Variants in REM2 observed in about 807,000 individuals in gnomAD.
REM2 encodes the protein RRAD and GEM like GTPase 2.
REM2 carries 24 observed loss-of-function variants against 24.4 expected under a neutral mutation model. The ratio of observed to expected loss-of-function variants is 0.98; its 90% CI spans 0.71 to 1.38. REM2 has a LOEUF of 1.38. Among genes scored for constraint, REM2 ranks in the 40% most tolerant of loss-of-function variants. The pLI is 0.00. For missense variants in REM2, 429 were observed against 467.8 expected (o/e 0.92, Z 0.77); for synonymous variants, 187 against 198.0 (o/e 0.94, Z 0.47).
Position 22,886,132 on chromosome 14 carries a change from C to T in REM2, c.628C>T (p.Leu210=). Residue 210 remains leucine (L), a synonymous_variant, in exon 4 of 5, where the codon CTA becomes TTA. Coordinates refer to ENST00000267396, the MANE Select transcript of REM2 (RefSeq NM_173527.3). This position sits in a 1 kb window ranked among gnomAD's most constrained non-coding sequence, Gnocchi z 5.9. The part of the protein sequence containing the change: ...RRSFSKVPET[L]LRLRAGRPHH... The stretch of plus-strand genomic sequence containing the variant: ...GAGTTTCTCCAAAGTTCCAGAGACC[C>T]TACTTCGGCTCCGGGCTGGGAGGCC... 1 of 1,613,996 alleles carries T rather than the reference C, an allele frequency of 6.2e-7. No individual in the cohort carries two copies. The highest frequency in any genetic ancestry group is 8.5e-7 in the Non-Finnish European group (1 of 1,179,886).
At position 22,884,892 on chromosome 14, in the gene REM2, C is replaced by T. The variant is rs1240135395; in HGVS notation, c.322C>T (p.Pro108Ser). ...SDSLGSGEAA[P>S]AQKDGIFKVM... ...CTCCTTGGGCTCAGGGGAGGCAGCC[C>T]CTGCTCAAAAGGATGGCATCTTCAA... The change falls in exon 2 of 5, where the codon CCT (proline) becomes TCT (serine). Residue 108 changes from proline (P) to serine (S), a missense_variant. Physicochemically the swap from Pro to Ser is moderately conservative, Grantham distance 74 (BLOSUM62 -1). Coordinates refer to ENST00000267396, the MANE Select transcript of REM2 (RefSeq NM_173527.3). 1.9e-6 allele frequency: 3 copies of T among 1,613,282 alleles called. No homozygotes were observed. The South Asian group carries it at 3.3e-5, about 18-fold the overall frequency.
rs1381166141 is a variant in REM2 at position 22,886,885 on chromosome 14, G to C, written c.999G>C (p.Ser333=). Reference sequence around the variant, plus strand: ...AGTTCTTCAAGCAGCGCTCCAGGTCGTGTCACGACCTCTCGGTGCTCTGAG... The same window carrying C: ...AGTTCTTCAAGCAGCGCTCCAGGTCCTGTCACGACCTCTCGGTGCTCTGAG... ...NAKFFKQRSR[S]CHDLSVL is the part of the protein sequence containing the mutation. Residue 333 remains serine (S), a synonymous_variant, in exon 5 of 5, where the codon TCG becomes TCC. Transcript: ENST00000267396. The surrounding 1 kb of genome is among the most constrained non-coding windows in gnomAD (Gnocchi z 5.9). 1.3e-6 allele frequency: 2 copies of C among 1,530,848 alleles called. No homozygotes were observed. The highest frequency in any genetic ancestry group is 1.4e-5 in the African/African-American group (1 of 71,532). 94.8% of individuals were successfully genotyped at this position (1,530,848 alleles called of 1,614,324 possible).
intron 1 of REM2, chr14:22,884,328 C>T: frequency 5.1e-6 from 5 of 985,450 alleles, no homozygotes; most frequent in Non-Finnish European, 6.0e-6. Context: ...CCCAACTCCA[C>T]CGTACAGGGC....
intron 1 of REM2, 41 bp downstream of exon 1, chr14:22,883,431 G>A (rs1002555834): frequency 1.9e-6 from 3 of 1,540,074 alleles, no homozygotes; most frequent in African/African-American, 2.7e-5. Context: ...AAACCATGGG[G>A]GTGGGAGCTG....
At position 22,886,598 on chromosome 14, in the gene REM2, C is replaced by G; in HGVS notation, c.728-16C>G. The G allele has an allele frequency of 1.4e-5, 20 of 1,446,664 alleles. No homozygotes were observed. Among genetic ancestry groups the G allele is most frequent in the Non-Finnish European group, 1.8e-5 (20 of 1,099,274 alleles). 89.6% of individuals were successfully genotyped at this position (1,446,664 alleles called of 1,614,324 possible). A position where few individuals can be genotyped will look rare whatever the true frequency, so the allele number is the denominator to read the frequency against. On this transcript the variant is annotated splice_polypyrimidine_tract_variant and intron_variant, in intron 4 of 4. Coordinates refer to ENST00000267396, the MANE Select transcript of REM2 (RefSeq NM_173527.3). The surrounding 1 kb of genome is among the most constrained non-coding windows in gnomAD (Gnocchi z 5.9). Reference sequence around the variant, plus strand: ...CGTACAGCCCAGCGGGCGCCTGAGCCGGTGCCTTCCTGCAGAGGGCCGCCA... The same window carrying G: ...CGTACAGCCCAGCGGGCGCCTGAGCGGGTGCCTTCCTGCAGAGGGCCGCCA...
At position 22,886,255 on chromosome 14, in the gene REM2, T is replaced by C; in HGVS notation, c.727+24T>C. ...GGGTGTGTATCCTGAACAGATTCCATACTTGCGATCTCAGGGGAATGCTCT... is the reference window on the plus strand; with the variant it reads ...GGGTGTGTATCCTGAACAGATTCCACACTTGCGATCTCAGGGGAATGCTCT... On this transcript the variant is annotated intron_variant, in intron 4 of 4. Transcript: ENST00000267396. The surrounding 1 kb of genome is among the most constrained non-coding windows in gnomAD (Gnocchi z 5.9). The C allele has an allele frequency of 1.3e-6, 2 of 1,585,788 alleles. No homozygotes were observed. The highest frequency in any genetic ancestry group is 1.7e-4 in the Middle Eastern group (1 of 6,024).
chr14:22,885,276 T>C lies in REM2; in HGVS notation c.456T>C (p.Tyr152=), dbSNP rs751037447. The change falls in exon 3 of 5, where the codon TAT becomes TAC. Residue 152 remains tyrosine, a synonymous_variant. Coordinates refer to ENST00000267396, the MANE Select transcript of REM2 (RefSeq NM_173527.3). Reference sequence around the variant, plus strand: ...CCTATTTCCCAGCAGAGGATACCTATGAGAGACGCATCATGGTGGATAAGG... The same window carrying C: ...CCTATTTCCCAGCAGAGGATACCTACGAGAGACGCATCATGGTGGATAAGG... The part of the protein sequence containing the change: ...AHEPENPEDT[Y]ERRIMVDKEE... 3.2e-5 allele frequency: 52 copies of C among 1,611,758 alleles called. No homozygotes were observed. Among genetic ancestry groups the C allele is most frequent in the Non-Finnish European group, 4.2e-5 (49 of 1,178,010 alleles).
chr14:22,885,288 C>G lies in REM2; in HGVS notation c.468C>G (p.Ile156Met). The G allele has an allele frequency of 6.2e-7, 1 of 1,613,602 alleles. No homozygotes were observed. Among genetic ancestry groups the G allele is most frequent in the Non-Finnish European group, 8.5e-7 (1 of 1,179,578 alleles). ...CAGAGGATACCTATGAGAGACGCAT[C>G]ATGGTGGATAAGGAGGAAGTGACTC... ...ENPEDTYERRIMVDKEEVTLV... is the reference protein window; with the variant it reads ...ENPEDTYERRMMVDKEEVTLV... The change falls in exon 3 of 5, where the codon ATC becomes ATG. Residue 156 changes from isoleucine to methionine, a missense_variant. Transcript: ENST00000267396.
chr14:22,886,322 C>G lies in REM2; in HGVS notation c.727+91C>G. On this transcript the variant is annotated intron_variant, in intron 4 of 4. Coordinates refer to ENST00000267396, the MANE Select transcript of REM2 (RefSeq NM_173527.3). The surrounding 1 kb of genome is among the most constrained non-coding windows in gnomAD (Gnocchi z 5.9). ...CTTCTCCCTAAGGCCTTTTTACCAT[C>G]GCGGACGCACTCACTTGCAATCAGA... is the stretch of plus-strand genomic sequence containing the variant. 1 of 1,186,094 alleles carries G rather than the reference C, an allele frequency of 8.4e-7. No individual in the cohort carries two copies. The highest frequency in any genetic ancestry group is 1.2e-6 in the Non-Finnish European group (1 of 818,920). 73.5% of individuals were successfully genotyped at this position (1,186,094 alleles called of 1,614,324 possible). A position where few individuals can be genotyped will look rare whatever the true frequency, so the allele number is the denominator to read the frequency against.
Position 22,886,133 on chromosome 14 carries a change from T to C in REM2, c.629T>C (p.Leu210Pro). The change falls in exon 4 of 5, where the codon CTA becomes CCA. Residue 210 changes from leucine to proline, a missense_variant. Physicochemically the swap from Leu to Pro is moderately conservative, Grantham distance 98. Coordinates refer to ENST00000267396, the MANE Select transcript of REM2 (RefSeq NM_173527.3). The surrounding 1 kb of genome is among the most constrained non-coding windows in gnomAD (Gnocchi z 5.9). Reference sequence around the variant, plus strand: ...AGTTTCTCCAAAGTTCCAGAGACCCTACTTCGGCTCCGGGCTGGGAGGCCG... The same window carrying C: ...AGTTTCTCCAAAGTTCCAGAGACCCCACTTCGGCTCCGGGCTGGGAGGCCG... ...RRSFSKVPET[L>P]LRLRAGRPHH... 1 of 1,614,018 alleles carries C rather than the reference T, an allele frequency of 6.2e-7. No individual in the cohort carries two copies. The highest frequency in any genetic ancestry group is 1.3e-5 in the African/African-American group (1 of 75,052).
chr14:22,885,990 C>G (rs1359252230), intron 3 of REM2, 34 bp from the exon 4 acceptor site: 7 of 1,558,004 alleles, frequency 4.5e-6, no homozygotes, highest in African/African-American at 1.4e-5. Context: ...ATCTCCTATG[C>G]CTCCAGCCCT....
Position 22,886,911 on chromosome 14 carries a change from C to A in REM2, c.*2C>A. 1 of 1,456,700 alleles carries A rather than the reference C, an allele frequency of 6.9e-7. No individual in the cohort carries two copies. Among genetic ancestry groups the A allele is most frequent in the South Asian group, 1.4e-5 (1 of 72,176 alleles). The allele number at this position is 1,456,700 out of a possible 1,614,324, so 90.2% of individuals were successfully genotyped here. On this transcript the variant is annotated 3_prime_UTR_variant, in exon 5 of 5. Transcript: ENST00000267396. The surrounding 1 kb of genome is among the most constrained non-coding windows in gnomAD (Gnocchi z 5.9). Reference sequence around the variant, plus strand: ...TGTCACGACCTCTCGGTGCTCTGAGCCGCGGTCGCCATGGCCACTGCGGTC... The same window carrying A: ...TGTCACGACCTCTCGGTGCTCTGAGACGCGGTCGCCATGGCCACTGCGGTC...
chr14:22,885,423 C>A, intron 3 of REM2, 84 bp downstream of exon 3: 1 of 998,900 alleles, frequency 1.0e-6, no homozygotes, highest in Non-Finnish European at 1.6e-6. Flanking sequence ...GCTGGTGGGA[C>A]TGCTGGTCCT....
intron 2 of REM2, 79 bp downstream of exon 2, chr14:22,885,094 C>T (rs753026230): frequency 4.2e-6 from 6 of 1,431,508 alleles, no homozygotes; most frequent in Non-Finnish European, 5.7e-6. Context: ...ACCTGAGCAG[C>T]CCCTGAAGGA....
chr14:22,884,462 T>G (rs1175211270), intron 1 of REM2: 2 of 985,208 alleles, frequency 2.0e-6, no homozygotes, highest in East Asian at 2.3e-4. Flanking sequence ...GGGACCGCAT[T>G]GGAGAAGCTA....
In REM2 at chr14:22,886,292, C is replaced by T; in HGVS notation, c.727+61C>T. 6.9e-7 allele frequency: 1 copy of T among 1,447,382 alleles called. No homozygotes were observed. Among genetic ancestry groups the T allele is most frequent in the East Asian group, 2.4e-5 (1 of 41,066 alleles). 89.7% of individuals were successfully genotyped at this position (1,447,382 alleles called of 1,614,324 possible). A position where few individuals can be genotyped will look rare whatever the true frequency, so the allele number is the denominator to read the frequency against. On this transcript the variant is annotated intron_variant, in intron 4 of 4. Coordinates refer to ENST00000267396, the MANE Select transcript of REM2 (RefSeq NM_173527.3). This position sits in a 1 kb window ranked among gnomAD's most constrained non-coding sequence, Gnocchi z 5.9. ...CAGGGGAATGCTCTCCCTTCCAAGT[C>T]ACCTCTTCTCCCTAAGGCCTTTTTA...
chr14:22,884,193 C>G (rs2040098085), intron 1 of REM2: 3 of 985,296 alleles, frequency 3.0e-6, no homozygotes, highest in African/African-American at 1.7e-5. Context: ...TACCTACTCC[C>G]CAGACACTGG....
chr14:22,885,998 C>T (rs537920533), intron 3 of REM2, 26 bp from the exon 4 acceptor site: 5 of 1,594,222 alleles, frequency 3.1e-6, no homozygotes, highest in Non-Finnish European at 4.3e-6. Flanking sequence ...TGCCTCCAGC[C>T]CTAACGTTCC....
intron 2 of REM2, 74 bp from the exon 3 acceptor site, chr14:22,885,192 C>T: frequency 7.0e-7 from 1 of 1,436,372 alleles, no homozygotes; most frequent in East Asian, 2.3e-5. Flanking sequence ...TCTGAGGTGT[C>T]CCTGGTTACC....
Sources: gnomAD v4.1 joint callset for allele counts on GRCh38, gnomAD v4.1.1 for gene constraint, Gnocchi (gnomAD v3.1) non-coding constraint, MANE v1.5 for transcripts, NCBI Gene and HGNC (gene_info 2026-07-23, HGNC 2026-07-21) for gene names.